The following WDR25 variants were observed in gnomAD, a reference collection of about 807,000 sequenced individuals.
WDR25 encodes WD repeat-containing protein 25.
In WDR25, 35 loss-of-function variants were observed where a neutral mutation model predicts 47.7. The ratio of observed to expected loss-of-function variants is 0.73; its 90% CI spans 0.56 to 0.97. The LOEUF is 0.97. WDR25 is among the 50% of genes least tolerant of loss of function. The pLI, the probability that WDR25 is intolerant of heterozygous loss-of-function variation, is 0.00. For missense variants in WDR25, 634 were observed against 704.7 expected (o/e 0.90, Z 1.14); for synonymous variants, 248 against 278.9 (o/e 0.89, Z 1.10).
chr14:100,465,683 CT>C (rs1328362435), intron 2 of WDR25, among the ~76,000 whole-genome samples: 1 of 152,168 alleles, frequency 6.6e-6, no homozygotes, highest in African/African-American at 2.4e-5. Context: ...TGTACAGTAT[CT>C]TTTTGAGACC....
intron 2 of WDR25, among the ~76,000 whole-genome samples, chr14:100,405,371 G>T (rs994476240): frequency 5.3e-5 from 8 of 152,000 alleles, no homozygotes; most frequent in African/African-American, 1.9e-4. Context: ...ATGTAGGCCA[G>T]GCTGGTCTCC....
At position 100,529,115 on chromosome 14, in the gene WDR25, G is replaced by A. The variant is rs35447854; in HGVS notation, c.1320G>A (p.Val440=). The change falls in exon 6 of 7, where the codon GTG becomes GTA. Residue 440 remains valine, a synonymous_variant. Coordinates refer to ENST00000402312, the MANE Select transcript of WDR25 (RefSeq NM_001161476.3). The surrounding 1 kb of genome is among the most constrained non-coding windows in gnomAD (Gnocchi z 5.1). ...PSLALHPREP[V]FLAQTNGNYL... is the part of the protein sequence containing the mutation. Reference sequence around the variant, plus strand: ...TCGCCTTGCACCCGAGAGAGCCCGTGTTCCTGGCACAGACCAATGGCAACT... The same window carrying A: ...TCGCCTTGCACCCGAGAGAGCCCGTATTCCTGGCACAGACCAATGGCAACT... The A allele has an allele frequency of 2.8e-3, 4,362 of 1,583,650 alleles. 56 individuals carry two copies. In the African/African-American group the frequency reaches 0.031, roughly 11 times the overall value.
chr14:100,399,573 G>A (rs1361589451), intron 2 of WDR25, among the ~76,000 whole-genome samples: 4 of 152,000 alleles, frequency 2.6e-5, no homozygotes, highest in Non-Finnish European at 5.9e-5. Context: ...CATCTTCTAT[G>A]CCTTTCCCTG....
In WDR25 at chr14:100,500,934, T is replaced by C. The variant is rs1397634178; in HGVS notation, c.1101+16810T>C. Among the ~76,000 whole-genome samples the C allele has an allele frequency of 6.6e-6, 1 of 152,272 alleles. No individual in the cohort carries two copies. The highest frequency in any genetic ancestry group is 1.5e-5 in the Non-Finnish European group (1 of 68,040). ...GCTTTTCTTCCTTTCCCATGTGTTT[T>C]GTATCTGTAATTTAAAATTTCACAG... On this transcript the variant is annotated intron_variant, in intron 4 of 6. Coordinates refer to ENST00000402312, the MANE Select transcript of WDR25 (RefSeq NM_001161476.3). The surrounding 1 kb of genome is among the most constrained non-coding windows in gnomAD (Gnocchi z 4.7).
At chr14:100,495,776 C>T (rs1900710615) in intron 4 of WDR25, among the ~76,000 whole-genome samples, 1 of 152,198 alleles carries the variant, frequency 6.6e-6, no homozygotes, top group South Asian at 2.1e-4. Context: ...AAGCTCCTTA[C>T]CTGCCAGACC....
At chr14:100,528,716 T>C (rs548129308) in intron 5 of WDR25, among the ~76,000 whole-genome samples, 41 of 152,202 alleles carry the variant, frequency 2.7e-4, no homozygotes, top group African/African-American at 9.1e-4. Context: ...AATTAGAACA[T>C]GGGTATATTT....
chr14:100,513,181 A>T lies in WDR25; in HGVS notation c.1102-12689A>T, dbSNP rs759234923. Among the ~76,000 whole-genome samples, 5 of 152,184 alleles carry T rather than the reference A, an allele frequency of 3.3e-5. No homozygotes were observed. In the South Asian group the frequency reaches 1.0e-3, roughly 32 times the overall value. The stretch of plus-strand genomic sequence containing the variant: ...AAGAGCTGTGCTATACTTTGAACGT[A>T]TGTATCCCTCCAAAATTTATATGTT... On this transcript the variant is annotated intron_variant, in intron 4 of 6. Coordinates refer to ENST00000402312, the MANE Select transcript of WDR25 (RefSeq NM_001161476.3).
In WDR25 at chr14:100,381,281, G is replaced by C. The variant is rs756585230; in HGVS notation, c.357G>C (p.Thr119=). ...AGCCTTCTTGTTCTTCTCTGTGGAC[G>C]AGCCATGTTCCAGCCAGCCACATGC... The part of the protein sequence containing the change: ...IKEPSCSSLW[T]SHVPASHMPL... Residue 119 remains threonine, a synonymous_variant, in exon 2 of 7, where the codon ACG becomes ACC. Coordinates refer to ENST00000402312, the MANE Select transcript of WDR25 (RefSeq NM_001161476.3). The C allele has an allele frequency of 1.9e-6, 3 of 1,614,124 alleles. No individual in the cohort carries two copies. Among genetic ancestry groups the C allele is most frequent in the African/African-American group, 1.3e-5 (1 of 75,024 alleles).
intron 3 of WDR25, among the ~76,000 whole-genome samples, chr14:100,471,998 C>T (rs1332813215): frequency 6.6e-6 from 1 of 152,212 alleles, no homozygotes; most frequent in African/African-American, 2.4e-5. Context: ...TCTTATGAGT[C>T]AGCTGTGCCA....
intron 2 of WDR25, among the ~76,000 whole-genome samples, chr14:100,401,579 G>A (rs1897383655): frequency 6.6e-6 from 1 of 152,202 alleles, no homozygotes; most frequent in African/African-American, 2.4e-5. Flanking sequence ...TTCCTCCCCA[G>A]TGCTTTGTAC....
intron 2 of WDR25, among the ~76,000 whole-genome samples, chr14:100,423,643 G>C (rs1334039023): frequency 3.3e-5 from 5 of 152,198 alleles, no homozygotes; most frequent in Admixed American, 3.3e-4. Context: ...CTCGAAAACG[G>C]AACTTTTGAC....
At chr14:100,518,723 T>G (rs1901593372) in intron 4 of WDR25, among the ~76,000 whole-genome samples, 1 of 152,048 alleles carries the variant, frequency 6.6e-6, no homozygotes, top group Admixed American at 6.6e-5. Context: ...ACACCCCGTC[T>G]CTACTAAAAT....
In WDR25 at chr14:100,407,651, TTGTTTC is replaced by T. The variant is rs1423404072; in HGVS notation, c.822+25908_822+25913del. 6.6e-6 allele frequency: 1 copy of T among 152,166 alleles called. No homozygotes were observed. Among genetic ancestry groups the T allele is most frequent in the African/African-American group, 2.4e-5 (1 of 41,404 alleles). The allele number at this position is 152,166 out of a possible 1,614,324, so 9.4% of individuals were successfully genotyped here. A position where few individuals can be genotyped will look rare whatever the true frequency, so the allele number is the denominator to read the frequency against. ...CATGCACCCTGGCGCTCTGGGTATGTTGTTTCTGCAGGTTTGGGAGGCAGCTGTCCT... is the reference window on the plus strand; with the variant it reads ...CATGCACCCTGGCGCTCTGGGTATGTTGCAGGTTTGGGAGGCAGCTGTCCT... On this transcript the variant is annotated intron_variant, in intron 2 of 6. Coordinates refer to ENST00000402312, the MANE Select transcript of WDR25 (RefSeq NM_001161476.3). The surrounding 1 kb of genome is among the most constrained non-coding windows in gnomAD (Gnocchi z 4.1).
In WDR25 at chr14:100,482,160, C is replaced by T. The variant is rs545331946; in HGVS notation, c.971-1834C>T. Among the ~76,000 whole-genome samples, 5 of 151,980 alleles carry T rather than the reference C, an allele frequency of 3.3e-5. No homozygotes were observed. The East Asian group carries it at 5.8e-4, about 18-fold the overall frequency. On this transcript the variant is annotated intron_variant, in intron 3 of 6. Transcript: ENST00000402312. ...TTCCATCTAGGTCCGGGCATCTCTG[C>T]GTGCAAGAAACTTTGTCGGCTTTGA...
chr14:100,437,756 CG>C (rs1898545022), intron 2 of WDR25, among the ~76,000 whole-genome samples: 1 of 152,150 alleles, frequency 6.6e-6, no homozygotes, highest in South Asian at 2.1e-4. Context: ...TCCAACCCTA[CG>C]TTCACCCACA....
intron 2 of WDR25, among the ~76,000 whole-genome samples, chr14:100,410,827 C>T (rs532237760): frequency 6.7e-6 from 1 of 150,214 alleles, no homozygotes; most frequent in East Asian, 2.0e-4. Context: ...CTGTCGCCCA[C>T]ACTGGAGTGC....
chr14:100,465,445 T>C (rs1431176247), intron 2 of WDR25, among the ~76,000 whole-genome samples: 2 of 152,236 alleles, frequency 1.3e-5, no homozygotes, highest in Non-Finnish European at 2.9e-5. Context: ...CTCATATAAG[T>C]GCAGTTATAT....
intron 2 of WDR25, among the ~76,000 whole-genome samples, chr14:100,401,692 A>G (rs144008476): frequency 8.9e-4 from 136 of 152,344 alleles, no homozygotes; most frequent in African/African-American, 3.2e-3. Context: ...CTAAAGGAAG[A>G]AAAACATATT....
chr14:100,413,564 C>G (rs1308368815), intron 2 of WDR25, among the ~76,000 whole-genome samples: 2 of 152,154 alleles, frequency 1.3e-5, no homozygotes, highest in Non-Finnish European at 2.9e-5. Flanking sequence ...CAGGCGCCCA[C>G]CACCACGCCC....
Sources: allele counts gnomAD v4.1 joint callset (sites outside exome capture counted in the v4.1 genomes callset), GRCh38; gene constraint gnomAD v4.1.1; non-coding constraint Gnocchi (gnomAD v3.1); transcripts MANE v1.5; gene names NCBI Gene and HGNC (gene_info 2026-07-23, HGNC 2026-07-21).